GRM5: variants seen among roughly 807,000 people sequenced by gnomAD.
GRM5 encodes the protein glutamate metabotropic receptor 5, also known as metabotropic glutamate receptor 5.
GRM5 carries 19 observed loss-of-function variants against 83.1 expected under a neutral mutation model. The observed-to-expected ratio is 0.23, with a 90% CI of 0.16 to 0.34. The LOEUF (loss-of-function observed/expected upper bound fraction) is 0.34, where lower values mean the gene tolerates loss of function less well. Among genes scored for constraint, GRM5 ranks in the 10% least tolerant of loss-of-function variants. The pLI is 1.00. For missense variants in GRM5, 1,160 were observed against 1,588.3 expected, an observed-to-expected ratio of 0.73 and a Z score of 4.58; for synonymous variants, 675 against 633.6, an observed-to-expected ratio of 1.07 and a Z score of -0.98.
At chr11:89,054,164 A>G (rs919600823) in intron 1 of GRM5, among the ~76,000 whole-genome samples, 1 of 152,184 alleles carries the variant, frequency 6.6e-6, no homozygotes, top group Non-Finnish European at 1.5e-5. Context: ...AACTTAGGTG[A>G]GAGAGATGAT....
At position 88,780,405 on chromosome 11, in the gene GRM5, A is replaced by G. The variant is rs543194617; in HGVS notation, c.911+69501T>C. 8.5e-5 allele frequency among the ~76,000 whole-genome samples: 13 copies of G among 152,080 alleles called. No individual in the cohort carries two copies. The South Asian group carries it at 2.7e-3, about 32-fold the overall frequency. Reference sequence around the variant, plus strand: ...CATGAGTTTATAGTCATGACTTAACACTCCTCTTCTTAGCCTCCCTATATA... The same window carrying G: ...CATGAGTTTATAGTCATGACTTAACGCTCCTCTTCTTAGCCTCCCTATATA... On this transcript the variant is annotated intron_variant, in intron 3 of 9. Transcript: ENST00000305447.
chr11:88,995,663 A>T (rs1940163673), intron 2 of GRM5, among the ~76,000 whole-genome samples: 1 of 151,708 alleles, frequency 6.6e-6, no homozygotes, highest in South Asian at 2.1e-4. Flanking sequence ...GATTCTCTGG[A>T]CTTGACAACT....
intron 3 of GRM5, among the ~76,000 whole-genome samples, chr11:88,832,097 A>G (rs1944005892): frequency 6.6e-6 from 1 of 152,196 alleles, no homozygotes; most frequent in Non-Finnish European, 1.5e-5. Context: ...GACAATACTG[A>G]CACTGCCTAT....
intron 3 of GRM5, among the ~76,000 whole-genome samples, chr11:88,845,084 C>T (rs555657187): frequency 2.0e-5 from 3 of 152,278 alleles, no homozygotes; most frequent in African/African-American, 4.8e-5. Context: ...GCAGTTCTAA[C>T]GCGGGTAAAA....
chr11:88,582,701 T>C (rs1387975905), intron 7 of GRM5, among the ~76,000 whole-genome samples: 1 of 152,210 alleles, frequency 6.6e-6, no homozygotes, highest in Admixed American at 6.5e-5. Context: ...CCAAGAATTT[T>C]CCCTCCTTTC....
At chr11:88,896,072 G>C (rs1181732418) in intron 2 of GRM5, among the ~76,000 whole-genome samples, 1 of 151,784 alleles carries the variant, frequency 6.6e-6, no homozygotes, top group Non-Finnish European at 1.5e-5. Flanking sequence ...TTAGAGAGAA[G>C]GTAATATGTA....
In GRM5 at chr11:88,507,157, T is replaced by C. The variant is rs2135067673; in HGVS notation, c.*1435A>G. ...CAAAGCACACTTGTTTCTGTTATAC[T>C]CTAAATCTCTTTTCTGTAGTTTTAA... On this transcript the variant is annotated 3_prime_UTR_variant, in exon 10 of 10. Transcript: ENST00000305447. 1 of 152,362 alleles carries C rather than the reference T, an allele frequency of 6.6e-6. No homozygotes were observed. The highest frequency in any genetic ancestry group is 2.1e-4 in the South Asian group (1 of 4,834). The allele number at this position is 152,362 out of a possible 1,614,324, so 9.4% of individuals were successfully genotyped here.
chr11:88,732,272 G>T (rs1941823158), intron 3 of GRM5, among the ~76,000 whole-genome samples: 1 of 151,990 alleles, frequency 6.6e-6, no homozygotes, highest in African/African-American at 2.4e-5. Flanking sequence ...GCTAGCCCAT[G>T]GACATATCAA....
intron 2 of GRM5, among the ~76,000 whole-genome samples, chr11:88,955,296 C>T (rs1307727831): frequency 6.6e-6 from 1 of 152,180 alleles, no homozygotes; most frequent in Non-Finnish European, 1.5e-5. Flanking sequence ...GTTTTAGAGT[C>T]ATACATTAAT....
intron 2 of GRM5, among the ~76,000 whole-genome samples, chr11:88,880,313 T>G (rs1944931654): frequency 1.3e-5 from 2 of 152,090 alleles, no homozygotes. Context: ...AAAATGGAAT[T>G]GCAAATATGC....
intron 2 of GRM5, among the ~76,000 whole-genome samples, chr11:88,998,653 G>A (rs1591034881): frequency 6.6e-6 from 1 of 152,156 alleles, no homozygotes; most frequent in South Asian, 2.1e-4. Flanking sequence ...GTTTCCATTA[G>A]GAGATGGCAT....
At chr11:88,529,318 C>A (rs1591326075) in intron 8 of GRM5, among the ~76,000 whole-genome samples, 1 of 150,726 alleles carries the variant, frequency 6.6e-6, no homozygotes, top group South Asian at 2.1e-4. Context: ...ATTATAGAAA[C>A]AAATACAAGA....
chr11:88,988,217 A>T lies in GRM5; in HGVS notation c.661+58995T>A, dbSNP rs866048372. On this transcript the variant is annotated intron_variant, in intron 2 of 9. Coordinates refer to ENST00000305447, the MANE Select transcript of GRM5 (RefSeq NM_001143831.3). The stretch of plus-strand genomic sequence containing the variant: ...CTCGAGAACTACGCGAAGAATGCAG[A>T]AGCCTCAGTAGCCGATGCAATCAAC... 8.8e-4 allele frequency among the ~76,000 whole-genome samples: 134 copies of T among 152,302 alleles called. 1 individual carries two copies. The highest frequency in any genetic ancestry group is 3.1e-3 in the African/African-American group (130 of 41,532).
intron 2 of GRM5, among the ~76,000 whole-genome samples, chr11:88,883,462 GGGTATCT>G (rs1478435892): frequency 3.9e-5 from 6 of 152,146 alleles, no homozygotes; most frequent in African/African-American, 1.4e-4. Context: ...AGATAATTTG[GGGTATCT>G]GGTGGAAGAA....
At chr11:88,773,669 T>C (rs918313317) in intron 3 of GRM5, among the ~76,000 whole-genome samples, 4 of 152,234 alleles carry the variant, frequency 2.6e-5, no homozygotes, top group Non-Finnish European at 5.9e-5. Flanking sequence ...TTTCTACATA[T>C]GGCTAGCCAG....
chr11:88,756,821 T>C (rs1942404320), intron 3 of GRM5, among the ~76,000 whole-genome samples: 1 of 152,158 alleles, frequency 6.6e-6, no homozygotes, highest in African/African-American at 2.4e-5. Context: ...GGATAACCTA[T>C]GTACTGTGGC....
At chr11:88,617,499 A>T (rs1158243668) in intron 4 of GRM5, among the ~76,000 whole-genome samples, 1 of 152,198 alleles carries the variant, frequency 6.6e-6, no homozygotes, top group East Asian at 1.9e-4. Context: ...GCTCCAACAG[A>T]AGTTTATTTC....
intron 2 of GRM5, among the ~76,000 whole-genome samples, chr11:88,898,133 C>T (rs1294053048): frequency 5.3e-5 from 8 of 151,832 alleles, no homozygotes. Context: ...TGTTCCTTGG[C>T]CTATGGATGC....
intron 2 of GRM5, among the ~76,000 whole-genome samples, chr11:89,011,628 T>C (rs942214507): frequency 3.3e-5 from 5 of 152,192 alleles, no homozygotes; most frequent in African/African-American, 1.2e-4. Flanking sequence ...TGCAATGTAC[T>C]TTCAAAGAAA....
Sources: gnomAD v4.1 joint callset for allele counts (sites outside exome capture counted in the v4.1 genomes callset) on GRCh38, gnomAD v4.1.1 for gene constraint, MANE v1.5 for transcripts, NCBI Gene and HGNC (gene_info 2026-07-23, HGNC 2026-07-21) for gene names.